The following CRYBG3 variants were observed in gnomAD, a reference collection of about 807,000 sequenced individuals.
CRYBG3 encodes the protein crystallin beta-gamma domain containing 3, also known as very large A-kinase anchor protein.
A neutral mutation model predicts 244.2 loss-of-function variants in CRYBG3; 127 were observed. That is an observed-to-expected ratio of 0.52 (90% CI 0.45 to 0.60). The LOEUF is 0.60. Among genes scored for constraint, CRYBG3 ranks in the 20% least tolerant of loss-of-function variants. CRYBG3 has a pLI of 0.00. For synonymous variants in CRYBG3, 1,132 were observed against 1,195.8 expected, an observed-to-expected ratio of 0.95 and a Z score of 1.10; for missense variants, 3,325 against 3,442.5, an observed-to-expected ratio of 0.97 and a Z score of 0.85.
At position 97,875,462 on chromosome 3, in the gene CRYBG3, A is replaced by G; in HGVS notation, c.4268A>G (p.Asp1423Gly). The change falls in exon 4 of 22, where the codon GAT becomes GGT. Residue 1423 changes from aspartate (D) to glycine (G), a missense_variant. Transcript: ENST00000389622. ...LSDSINLQESDTVLLAEDMSH... is the reference protein window; with the variant it reads ...LSDSINLQESGTVLLAEDMSH... ...GATAGTATAAATTTGCAGGAATCAG[A>G]TACGGTTTTACTAGCTGAAGACATG... is the stretch of plus-strand genomic sequence containing the variant. 3 of 1,325,420 alleles carry G rather than the reference A, an allele frequency of 2.3e-6. No individual in the cohort carries two copies. The highest frequency in any genetic ancestry group is 2.5e-5 in the South Asian group (1 of 40,504). The allele number at this position is 1,325,420 out of a possible 1,614,324, so 82.1% of individuals were successfully genotyped here.
chr3:97,923,495 C>T (rs148220311), intron 17 of CRYBG3, among the ~76,000 whole-genome samples: 1 of 152,024 alleles, frequency 6.6e-6, no homozygotes, highest in East Asian at 1.9e-4. Context: ...ATATCTGAAA[C>T]AGCGCTCTTT....
In CRYBG3 at chr3:97,936,280, C is replaced by G. The variant is rs1301231364; in HGVS notation, c.8382-505C>G. Among the ~76,000 whole-genome samples, 3 of 151,880 alleles carry G rather than the reference C, an allele frequency of 2.0e-5. No homozygotes were observed. In the East Asian group the frequency reaches 5.8e-4, roughly 30 times the overall value. On this transcript the variant is annotated intron_variant, in intron 18 of 21. Transcript: ENST00000389622. ...GGGAGGATTCTCAAAGGAGCTGGGCCTTGAAGAGGGTGATGGAGAACTTCT... is the reference window on the plus strand; with the variant it reads ...GGGAGGATTCTCAAAGGAGCTGGGCGTTGAAGAGGGTGATGGAGAACTTCT...
chr3:97,940,003 C>A (rs2040207664), intron 19 of CRYBG3, among the ~76,000 whole-genome samples: 2 of 151,986 alleles, frequency 1.3e-5, no homozygotes, highest in Non-Finnish European at 2.9e-5. Context: ...TGACCTATTG[C>A]ATTTACCTAA....
rs183924066 is a variant in CRYBG3, at chr3:97,910,470, G to A, written c.8005-1697G>A. Among the ~76,000 whole-genome samples the A allele has an allele frequency of 3.0e-4, 45 of 152,292 alleles. No individual in the cohort carries two copies. In the East Asian group the frequency reaches 4.4e-3, roughly 15 times the overall value. On this transcript the variant is annotated intron_variant, in intron 15 of 21. Transcript: ENST00000389622. ...TCGTGGTGTACCGTTTTTTAAGCCC[G>A]CCGGAAAAGTGCAGTATTAGGGTGG... is the stretch of plus-strand genomic sequence containing the variant.
Position 97,873,100 on chromosome 3 carries a change from T to G in CRYBG3, c.1906T>G (p.Ser636Ala). 6.5e-7 allele frequency: 1 copy of G among 1,535,374 alleles called. No individual in the cohort carries two copies. Among genetic ancestry groups the G allele is most frequent in the Non-Finnish European group, 8.7e-7 (1 of 1,146,608 alleles). The change falls in exon 4 of 22, where the codon TCA (serine) becomes GCA (alanine). Residue 636 changes from serine to alanine, a missense_variant. Coordinates refer to ENST00000389622, the MANE Select transcript of CRYBG3 (RefSeq NM_153605.4). ...DSESPQQAEV[S>A]PDAKTSLSLD... Reference sequence around the variant, plus strand: ...TGAGAGTCCTCAACAAGCTGAAGTATCACCTGATGCTAAAACATCTCTTAG... The same window carrying G: ...TGAGAGTCCTCAACAAGCTGAAGTAGCACCTGATGCTAAAACATCTCTTAG...
rs552025323 is a variant in CRYBG3, at chr3:97,842,300, T to C, written c.150-895T>C. 4.6e-5 allele frequency among the ~76,000 whole-genome samples: 7 copies of C among 152,268 alleles called. No individual in the cohort carries two copies. In the South Asian group the frequency reaches 1.4e-3, roughly 32 times the overall value. On this transcript the variant is annotated intron_variant, in intron 1 of 21. Coordinates refer to ENST00000389622, the MANE Select transcript of CRYBG3 (RefSeq NM_153605.4). ...TCTGGAAGCTGGGCGTAGTGACTCC[T>C]GCCTGTAATCCCAGCACTTTGAAAG...
Position 97,872,337 on chromosome 3 carries a change from A to G in CRYBG3, c.1143A>G (p.Ser381=). Residue 381 remains serine (S), a synonymous_variant, in exon 4 of 22, where the codon TCA becomes TCG. Transcript: ENST00000389622. Reference sequence around the variant, plus strand: ...AGACTAACAGAAATTTGGTATGTTCAGCATTGTTAACAGGAAGTAACCATC... The same window carrying G: ...AGACTAACAGAAATTTGGTATGTTCGGCATTGTTAACAGGAAGTAACCATC... ...VSQTNRNLVC[S]ALLTGSNHRK... 6.5e-7 allele frequency: 1 copy of G among 1,536,016 alleles called. No individual in the cohort carries two copies. The highest frequency in any genetic ancestry group is 1.2e-5 in the South Asian group (1 of 84,060).
intron 17 of CRYBG3, among the ~76,000 whole-genome samples, chr3:97,931,291 C>T (rs754219538): frequency 6.6e-6 from 1 of 152,102 alleles, no homozygotes; most frequent in African/African-American, 2.4e-5. Context: ...CACCCTCTCC[C>T]TCGACATGGA....
At chr3:97,849,675 G>A (rs1211414135) in intron 2 of CRYBG3, among the ~76,000 whole-genome samples, 2 of 152,094 alleles carry the variant, frequency 1.3e-5, no homozygotes, top group African/African-American at 4.8e-5. Flanking sequence ...GCGGTATGAT[G>A]GAATATCTTA....
intron 1 of CRYBG3, among the ~76,000 whole-genome samples, chr3:97,837,887 C>T (rs184006928): frequency 7.2e-4 from 109 of 152,156 alleles, no homozygotes; most frequent in Middle Eastern, 3.4e-3. Flanking sequence ...CTGATGCAGT[C>T]ACAGTTATGT....
At chr3:97,863,248 G>A (rs559117744) in intron 2 of CRYBG3, among the ~76,000 whole-genome samples, 11 of 152,186 alleles carry the variant, frequency 7.2e-5, no homozygotes, top group Admixed American at 3.3e-4. Flanking sequence ...TTACAATTAC[G>A]TAAGTGAGCA....
rs192154956 is a variant in CRYBG3, at chr3:97,923,987, A to G, written c.8241+8251A>G. On this transcript the variant is annotated intron_variant, in intron 17 of 21. Transcript: ENST00000389622. ...TTAATTTGGAAAAGCTATTGGGTCA[A>G]AAATCGCCAAGATAATTTTTAAGAA... Among the ~76,000 whole-genome samples the G allele has an allele frequency of 2.6e-4, 40 of 152,242 alleles. 1 individual carries two copies. In the South Asian group the frequency reaches 3.7e-3, roughly 14 times the overall value.
rs757331543 is a variant in CRYBG3, at chr3:97,874,235, C to A, written c.3041C>A (p.Ser1014Tyr). The A allele has an allele frequency of 3.1e-5, 47 of 1,534,502 alleles. No individual in the cohort carries two copies. The South Asian group carries it at 5.0e-4, about 16-fold the overall frequency. ...AATTCACCTTTTCTGGATTCTGATT[C>A]CAGTTTGGAAAAAAATTCTTCTGCA... ...KVNSPFLDSD[S>Y]SLEKNSSASE... is the part of the protein sequence containing the mutation. The change falls in exon 4 of 22, where the codon TCC becomes TAC. Residue 1014 changes from serine to tyrosine, a missense_variant. Ser to Tyr is a moderately radical substitution (Grantham distance 144). Transcript: ENST00000389622.
chr3:97,887,274 A>G (rs557685064), intron 8 of CRYBG3, among the ~76,000 whole-genome samples: 1 of 152,322 alleles, frequency 6.6e-6, no homozygotes, highest in East Asian at 1.9e-4. Context: ...TGTTAGGACT[A>G]TGGGTCTAAG....
intron 10 of CRYBG3, among the ~76,000 whole-genome samples, chr3:97,890,129 T>C (rs1378587022): frequency 6.6e-6 from 1 of 152,196 alleles, no homozygotes; most frequent in East Asian, 1.9e-4. Flanking sequence ...ACTTCCATTC[T>C]CTCAGCCACA....
chr3:97,871,865 A>C lies in CRYBG3; in HGVS notation c.671A>C (p.Lys224Thr), dbSNP rs146186739. 56 of 1,507,220 alleles carry C rather than the reference A, an allele frequency of 3.7e-5. No individual in the cohort carries two copies. Among genetic ancestry groups the C allele is most frequent in the Non-Finnish European group, 4.9e-5 (56 of 1,138,058 alleles). 93.4% of individuals were successfully genotyped at this position (1,507,220 alleles called of 1,614,324 possible). ...LLKQIDGKPE[K>T]PSVTYATYRG... is the part of the protein sequence containing the mutation. ...AGACAAATCGATGGTAAACCAGAGA[A>C]GCCTTCAGTAACATATGCAACATAT... The change falls in exon 4 of 22, where the codon AAG (lysine) becomes ACG (threonine). Residue 224 changes from lysine (K) to threonine (T), a missense_variant. Around this residue, in one of 4 missense-constraint regions of CRYBG3, gnomAD observed 1,526 missense variants for 1,443.2 expected, o/e 1.06. Coordinates refer to ENST00000389622, the MANE Select transcript of CRYBG3 (RefSeq NM_153605.4).
At chr3:97,843,728 T>G (rs1286941964) in intron 2 of CRYBG3, among the ~76,000 whole-genome samples, 1 of 152,226 alleles carries the variant, frequency 6.6e-6, no homozygotes, top group East Asian at 1.9e-4. Context: ...CATGTCGTTC[T>G]TGGCTTCTCT....
Position 97,873,861 on chromosome 3 carries a change from TA to T in CRYBG3, c.2669del (p.Asn890IlefsTer5), listed in dbSNP as rs1221489476. 1 of 1,535,422 alleles carries T rather than the reference TA, an allele frequency of 6.5e-7. No homozygotes were observed. Among genetic ancestry groups the T allele is most frequent in the East Asian group, 2.4e-5 (1 of 40,912 alleles). ...AACAGGGCAAACGTTTTCAATCAAT[TA>T]ATCATAATGAGATAGGAGAGAAATG... ...VEQGKRFQSI[N>X]HNEIGEKCSD... On this transcript the variant is annotated frameshift_variant, in exon 4 of 22. Transcript: ENST00000389622. LOFTEE classifies it high-confidence loss of function.
rs145867435 is a variant in CRYBG3, at chr3:97,943,302, T to G, written c.8901T>G (p.Ile2967Met). ...LEGEETQKWD[I>M]EIL The stretch of plus-strand genomic sequence containing the variant: ...GAGAAGAAACACAGAAATGGGACAT[T>G]GAAATATTGTGAGAGAATCAACATC... The change falls in exon 22 of 22, where the codon ATT (isoleucine) becomes ATG (methionine). Residue 2967 changes from isoleucine to methionine, a missense_variant. Ile to Met is a conservative substitution (Grantham distance 10, BLOSUM62 1). Transcript: ENST00000389622. The G allele has an allele frequency of 2.4e-5, 37 of 1,556,508 alleles. 1 individual carries two copies. The East Asian group carries it at 4.1e-4, about 17-fold the overall frequency.
Sources: allele counts gnomAD v4.1 joint callset (sites outside exome capture counted in the v4.1 genomes callset), GRCh38; gene constraint gnomAD v4.1.1; regional missense constraint gnomAD v4.1.1; transcripts MANE v1.5; gene names NCBI Gene and HGNC (gene_info 2026-07-23, HGNC 2026-07-21).